The following EXOC4 variants were observed in gnomAD, a reference collection of about 807,000 sequenced individuals.
EXOC4 encodes SEC8-like 1.
A neutral mutation model predicts 107.2 loss-of-function variants in EXOC4; 71 were observed. The observed-to-expected ratio is 0.66, with a 90% CI of 0.55 to 0.81. The LOEUF (loss-of-function observed/expected upper bound fraction) is 0.81, where lower values mean the gene tolerates loss of function less well. EXOC4 is among the 30% of genes least tolerant of loss of function. EXOC4 has a pLI of 0.00. For missense variants in EXOC4, 1,108 were observed against 1,189.6 expected (o/e 0.93, Z 1.01); for synonymous variants, 456 against 441.2 (o/e 1.03, Z -0.42).
chr7:133,751,695 G>A (rs1242714538), intron 10 of EXOC4, among the ~76,000 whole-genome samples: 2 of 152,010 alleles, frequency 1.3e-5, no homozygotes, highest in Non-Finnish European at 2.9e-5. Flanking sequence ...TGTCACATGA[G>A]TTTTTACGTT....
In EXOC4 at chr7:133,334,378, A is replaced by G. The variant is rs146593986; in HGVS notation, c.763+16988A>G. On this transcript the variant is annotated intron_variant, in intron 5 of 17. Coordinates refer to ENST00000253861, the MANE Select transcript of EXOC4 (RefSeq NM_021807.4). The stretch of plus-strand genomic sequence containing the variant: ...TTTTCTTAAATCCTTTCTCTCTTCC[A>G]TGAAGGGTAAGGATACTATAGATAC... 5.5e-3 allele frequency among the ~76,000 whole-genome samples: 845 copies of G among 152,270 alleles called. 8 individuals carry two copies. The highest frequency in any genetic ancestry group is 0.019 in the African/African-American group (790 of 41,552).
rs117765357 is a variant in EXOC4 at position 133,258,721 on chromosome 7, C to T, written c.86+5534C>T. Among the ~76,000 whole-genome samples, 26 of 152,198 alleles carry T rather than the reference C, an allele frequency of 1.7e-4. No homozygotes were observed. In the East Asian group the frequency reaches 4.1e-3, roughly 24 times the overall value. The stretch of plus-strand genomic sequence containing the variant: ...TTTTCCACCAGAAATAACCTTGACG[C>T]GTTGACTGGAGTGATTCCATTTGTC... On this transcript the variant is annotated intron_variant, in intron 1 of 17. Transcript: ENST00000253861.
At chr7:133,727,961 C>T (rs1485804422) in intron 10 of EXOC4, among the ~76,000 whole-genome samples, 1 of 152,082 alleles carries the variant, frequency 6.6e-6, no homozygotes, top group Non-Finnish European at 1.5e-5. Flanking sequence ...GAATTTCTTT[C>T]TTTTTTATTT....
intron 2 of EXOC4, among the ~76,000 whole-genome samples, chr7:133,276,292 A>T (rs1431820094): frequency 6.6e-6 from 1 of 152,168 alleles, no homozygotes; most frequent in Non-Finnish European, 1.5e-5. Context: ...AACTGATCAA[A>T]TAAGGGTTAT....
chr7:133,921,712 G>A lies in EXOC4; in HGVS notation c.2027+3974G>A, dbSNP rs6952252. 2.4e-3 allele frequency among the ~76,000 whole-genome samples: 366 copies of A among 152,216 alleles called. 5 individuals carry two copies. Among genetic ancestry groups the A allele is most frequent in the African/African-American group, 8.2e-3 (342 of 41,532 alleles). On this transcript the variant is annotated intron_variant, in intron 13 of 17. Transcript: ENST00000253861. ...GTTTTCTGAGCCTCCCAGATCTGTA[G>A]TGTAGTGAGGTATCTCTAATTGATT...
intron 9 of EXOC4, among the ~76,000 whole-genome samples, chr7:133,615,069 T>C (rs1802162764): frequency 6.6e-6 from 1 of 152,130 alleles, no homozygotes; most frequent in Non-Finnish European, 1.5e-5. Context: ...TTCTATGATA[T>C]CGTCACTGAA....
intron 10 of EXOC4, among the ~76,000 whole-genome samples, chr7:133,635,740 A>G (rs143440830): frequency 1.3e-5 from 2 of 152,268 alleles, no homozygotes; most frequent in African/African-American, 2.4e-5. Flanking sequence ...TAGCTAGGAC[A>G]TGACTCAGGA....
chr7:133,355,921 G>C (rs971200307), intron 5 of EXOC4, among the ~76,000 whole-genome samples: 1 of 151,798 alleles, frequency 6.6e-6, no homozygotes, highest in Non-Finnish European at 1.5e-5. Context: ...TTTCTCCAGC[G>C]ACTTACCACT....
chr7:133,886,877 A>T (rs951953949), intron 11 of EXOC4, among the ~76,000 whole-genome samples: 1 of 152,208 alleles, frequency 6.6e-6, no homozygotes, highest in Admixed American at 6.5e-5. Context: ...TTCTTGAAAA[A>T]TGGAAACTTT....
intron 3 of EXOC4, among the ~76,000 whole-genome samples, chr7:133,292,925 C>T (rs1316517558): frequency 1.3e-5 from 2 of 152,076 alleles, no homozygotes; most frequent in Admixed American, 6.6e-5. Context: ...GTTTTTTCTT[C>T]TCTGGTTATT....
At chr7:133,319,567 G>C (rs1223290422) in intron 5 of EXOC4, among the ~76,000 whole-genome samples, 6 of 152,100 alleles carry the variant, frequency 3.9e-5, no homozygotes, top group African/African-American at 9.7e-5. Flanking sequence ...TCGGCCCACT[G>C]CAACCTCCTC....
At chr7:133,647,704 CCAGT>C (rs1421066059) in intron 10 of EXOC4, among the ~76,000 whole-genome samples, 34 of 151,988 alleles carry the variant, frequency 2.2e-4, no homozygotes, top group Non-Finnish European at 3.2e-4. Flanking sequence ...CTCTGATAAT[CCAGT>C]CAAACAGTTT....
At chr7:133,857,386 C>A (rs1798438947) in intron 11 of EXOC4, among the ~76,000 whole-genome samples, 1 of 98,538 alleles carries the variant, frequency 1.0e-5, no homozygotes, top group Non-Finnish European at 2.0e-5. Flanking sequence ...ACTTAACCTC[C>A]CTGGATGATT....
At chr7:133,855,860 A>T (rs1282337371) in intron 11 of EXOC4, among the ~76,000 whole-genome samples, 1 of 152,340 alleles carries the variant, frequency 6.6e-6, no homozygotes, top group East Asian at 1.9e-4. Context: ...GAAGGCGCTG[A>T]TTTTAAGCCT....
chr7:133,408,227 G>A (rs1465087898), intron 7 of EXOC4, among the ~76,000 whole-genome samples: 1 of 150,966 alleles, frequency 6.6e-6, no homozygotes, highest in East Asian at 2.0e-4. Context: ...GTGATGATGG[G>A]TGGGGAGGGA....
intron 10 of EXOC4, chr7:133,768,548 A>G (rs1796183338): frequency 6.6e-6 from 1 of 151,942 alleles, no homozygotes; most frequent in African/African-American, 2.4e-5. Flanking sequence ...TGTCACCAAG[A>G]TTAGTTAATG....
intron 15 of EXOC4, among the ~76,000 whole-genome samples, chr7:133,998,603 G>A (rs1794452600): frequency 6.6e-6 from 1 of 152,098 alleles, no homozygotes; most frequent in Non-Finnish European, 1.5e-5. Context: ...AAAGAATAAG[G>A]CACAGGAGAC....
At chr7:133,560,609 G>A (rs1433491179) in intron 9 of EXOC4, among the ~76,000 whole-genome samples, 2 of 152,110 alleles carry the variant, frequency 1.3e-5, no homozygotes, top group East Asian at 3.9e-4. Context: ...GAATCATGGT[G>A]TGCCTTTCCA....
At chr7:133,675,443 T>C (rs905356178) in intron 10 of EXOC4, among the ~76,000 whole-genome samples, 1 of 152,226 alleles carries the variant, frequency 6.6e-6, no homozygotes, top group South Asian at 2.1e-4. Flanking sequence ...TTATTTGATA[T>C]GATTTGCTTT....
Sources: gnomAD v4.1 joint callset for allele counts (sites outside exome capture counted in the v4.1 genomes callset) on GRCh38, gnomAD v4.1.1 for gene constraint, MANE v1.5 for transcripts, NCBI Gene and HGNC (gene_info 2026-07-23, HGNC 2026-07-21) for gene names.